ATP1A3: variants seen among roughly 807,000 people sequenced by gnomAD.
ATP1A3 encodes the protein sodium/potassium-transporting ATPase subunit alpha-3.
A neutral mutation model predicts 108.8 loss-of-function variants in ATP1A3; 12 were observed. The ratio of observed to expected loss-of-function variants is 0.11; its 90% CI spans 0.07 to 0.18. The LOEUF (loss-of-function observed/expected upper bound fraction) is 0.18, where lower values mean the gene tolerates loss of function less well. Ranked by LOEUF, ATP1A3 falls within the 10% of genes least tolerant of loss-of-function variation. The probability of loss-of-function intolerance (pLI) is 1.00; values close to 1 mark genes in which losing one functional copy is unlikely to be tolerated. For missense variants in ATP1A3, 498 were observed against 1,387.7 expected, an observed-to-expected ratio of 0.36 and a Z score of 10.19; for synonymous variants, 539 against 564.5, an observed-to-expected ratio of 0.95 and a Z score of 0.64.
At chr19:41,970,646 TTTTGAGACAGA>T in intron 16 of ATP1A3, 104 bp from the exon 17 acceptor site, 1 of 1,338,148 alleles carries the variant, frequency 7.5e-7, no homozygotes, top group Non-Finnish European at 1.0e-6. Context: ...TTTTTTTTTT[TTTTGAGACAGA>T]GTCTCGCTGT....
In ATP1A3 at chr19:41,985,471, A is replaced by C; in HGVS notation, c.607-48T>G. ...GAGGGTTCAGTCCAGGGCCTGGGAC[A>C]GGAGGGTATTTGTGTACAGGGCTTG... On this transcript the variant is annotated intron_variant, in intron 6 of 22. Coordinates refer to ENST00000648268, the MANE Select transcript of ATP1A3 (RefSeq NM_152296.5). The surrounding 1 kb of genome is among the most constrained non-coding windows in gnomAD (Gnocchi z 8.2). The C allele has an allele frequency of 6.5e-7, 1 of 1,548,390 alleles. No individual in the cohort carries two copies. The highest frequency in any genetic ancestry group is 8.9e-7 in the Non-Finnish European group (1 of 1,120,470).
chr19:41,968,777 G>T lies in ATP1A3; in HGVS notation c.2819+8C>A. 6.2e-7 allele frequency: 1 copy of T among 1,613,838 alleles called. No homozygotes were observed. Among genetic ancestry groups the T allele is most frequent in the Non-Finnish European group, 8.5e-7 (1 of 1,179,784 alleles). On this transcript the variant is annotated splice_region_variant and intron_variant, in intron 20 of 22. Coordinates refer to ENST00000648268, the MANE Select transcript of ATP1A3 (RefSeq NM_152296.5). The surrounding 1 kb of genome is among the most constrained non-coding windows in gnomAD (Gnocchi z 5.0). Reference sequence around the variant, plus strand: ...GCTGTCCAGTCACCATGTGCCCCCGGCCCTCACTTCATGCCCTGCTGGAAG... The same window carrying T: ...GCTGTCCAGTCACCATGTGCCCCCGTCCCTCACTTCATGCCCTGCTGGAAG...
chr19:41,975,320 G>A (rs2075154499), intron 16 of ATP1A3, among the ~76,000 whole-genome samples: 1 of 152,182 alleles, frequency 6.6e-6, no homozygotes, highest in African/African-American at 2.4e-5. Flanking sequence ...CAAAGTGCTG[G>A]GATTACAGGC....
At chr19:41,982,199 C>A (rs1480532292) in intron 8 of ATP1A3, 93 bp from the exon 9 acceptor site, 1 of 1,604,576 alleles carries the variant, frequency 6.2e-7, no homozygotes, top group Non-Finnish European at 8.5e-7. Flanking sequence ...GCTGCCCAGC[C>A]CCCAGAGAAT....
In ATP1A3 at chr19:41,968,926, G is replaced by A. The variant is rs782509039; in HGVS notation, c.2689-11C>T. 1.2e-5 allele frequency: 19 copies of A among 1,613,470 alleles called. No individual in the cohort carries two copies. The East Asian group carries it at 2.5e-4, about 21-fold the overall frequency. On this transcript the variant is annotated splice_polypyrimidine_tract_variant and intron_variant, in intron 19 of 22. Coordinates refer to ENST00000648268, the MANE Select transcript of ATP1A3 (RefSeq NM_152296.5). This position sits in a 1 kb window ranked among gnomAD's most constrained non-coding sequence, Gnocchi z 5.0. ...CCTCTGCTCGTATGTCTGCAGGAGCGGTGACCAGGGCACGGGACGTCAGTT... is the reference window on the plus strand; with the variant it reads ...CCTCTGCTCGTATGTCTGCAGGAGCAGTGACCAGGGCACGGGACGTCAGTT...
chr19:41,980,297 CAT>C (rs1279221586), intron 11 of ATP1A3, among the ~76,000 whole-genome samples: 4 of 152,224 alleles, frequency 2.6e-5, no homozygotes, highest in South Asian at 2.1e-4. Flanking sequence ...CAGGGCCTAA[CAT>C]GTGGTGGCTG....
chr19:41,980,516 A>G (rs896783575), intron 11 of ATP1A3, among the ~76,000 whole-genome samples: 1 of 152,170 alleles, frequency 6.6e-6, no homozygotes. Flanking sequence ...CGGGAGGCTG[A>G]GATATGAGAA....
At position 41,970,039 on chromosome 19, in the gene ATP1A3, AC is replaced by A. The variant is rs200489770; in HGVS notation, c.2542+145del. The A allele has an allele frequency of 1.2e-3, 1,616 of 1,314,248 alleles. 3 individuals are homozygous for A. The highest frequency in any genetic ancestry group is 1.5e-3 in the Non-Finnish European group (1,371 of 935,870). The allele number at this position is 1,314,248 out of a possible 1,614,324, so 81.4% of individuals were successfully genotyped here. On this transcript the variant is annotated intron_variant, in intron 18 of 22. Transcript: ENST00000648268. ...GGAGGTGGAGAAGGATGGGGTGCAGACCCCCCCCACAGATAGCTCACTGGTT... is the reference window on the plus strand; with the variant it reads ...GGAGGTGGAGAAGGATGGGGTGCAGACCCCCCCACAGATAGCTCACTGGTT...
chr19:41,992,255 G>T (rs2075347511), intron 1 of ATP1A3, among the ~76,000 whole-genome samples: 2 of 152,188 alleles, frequency 1.3e-5, no homozygotes, highest in African/African-American at 4.8e-5. Flanking sequence ...CCTTGACACA[G>T]CCAGACCCCC....
rs2075061333 is a variant in ATP1A3 at position 41,967,901 on chromosome 19, G to C, written c.2820-138C>G. On this transcript the variant is annotated intron_variant, in intron 20 of 22. Coordinates refer to ENST00000648268, the MANE Select transcript of ATP1A3 (RefSeq NM_152296.5). This position sits in a 1 kb window ranked among gnomAD's most constrained non-coding sequence, Gnocchi z 4.2. ...CAGAGACAGAGAGGCAGAGACATAG[G>C]GAGAGACAGAGATGGGGAGACATGC... is the stretch of plus-strand genomic sequence containing the variant. 2 of 762,482 alleles carry C rather than the reference G, an allele frequency of 2.6e-6. No homozygotes were observed. Among genetic ancestry groups the C allele is most frequent in the East Asian group, 5.4e-5 (2 of 37,234 alleles). The allele number at this position is 762,482 out of a possible 1,614,324, so 47.2% of individuals were successfully genotyped here.
chr19:41,981,890 C>G lies in ATP1A3; in HGVS notation c.1192+18G>C. On this transcript the variant is annotated intron_variant, in intron 9 of 22. Coordinates refer to ENST00000648268, the MANE Select transcript of ATP1A3 (RefSeq NM_152296.5). The surrounding 1 kb of genome is among the most constrained non-coding windows in gnomAD (Gnocchi z 5.0). ...TGGAGCCAGGCCCCCATGGTCCTCA[C>G]CCGGGGCCTGCGCTCACCTGACTGG... 1.9e-6 allele frequency: 3 copies of G among 1,614,224 alleles called. No homozygotes were observed. Among genetic ancestry groups the G allele is most frequent in the Non-Finnish European group, 2.5e-6 (3 of 1,180,036 alleles).
chr19:41,981,817 T>C lies in ATP1A3; in HGVS notation c.1207A>G (p.Lys403Glu). 1 of 1,614,182 alleles carries C rather than the reference T, an allele frequency of 6.2e-7. No homozygotes were observed. Among genetic ancestry groups the C allele is most frequent in the Non-Finnish European group, 8.5e-7 (1 of 1,180,024 alleles). The change falls in exon 10 of 23, where the codon AAG (lysine) becomes GAG (glutamate). Residue 403 changes from lysine to glutamate, a missense_variant. Transcript: ENST00000648268. This position sits in a 1 kb window ranked among gnomAD's most constrained non-coding sequence, Gnocchi z 5.0. Reference sequence around the variant, plus strand: ...AGGGCCACCCAGGTGTGCGAACTCTTGTCAAATGAGGTCCCTGGGGGAGGC... The same window carrying C: ...AGGGCCACCCAGGTGTGCGAACTCTCGTCAAATGAGGTCCCTGGGGGAGGC... ...TEDQSGTSFD[K>E]SSHTWVALSH...
chr19:41,972,172 C>G (rs1409989616), intron 16 of ATP1A3, among the ~76,000 whole-genome samples: 2 of 152,020 alleles, frequency 1.3e-5, no homozygotes, highest in African/African-American at 4.8e-5. Flanking sequence ...ATCATTTGAA[C>G]CTCAGAGGCA....
rs782430886 is a variant in ATP1A3, at chr19:41,969,424, G to A, written c.2688+11C>T. On this transcript the variant is annotated intron_variant, in intron 19 of 22. Transcript: ENST00000648268. ...ACGGTGGGCAGAGACACAGCACCCTGCCCTACTCACCCACTGCTGCCCGTA... is the reference window on the plus strand; with the variant it reads ...ACGGTGGGCAGAGACACAGCACCCTACCCTACTCACCCACTGCTGCCCGTA... 1.9e-6 allele frequency: 3 copies of A among 1,614,158 alleles called. No individual in the cohort carries two copies. Among genetic ancestry groups the A allele is most frequent in the Non-Finnish European group, 2.5e-6 (3 of 1,180,014 alleles).
rs1038138461 is a variant in ATP1A3 at position 41,981,450 on chromosome 19, C to T, written c.1437+52G>A. 21 of 1,612,422 alleles carry T rather than the reference C, an allele frequency of 1.3e-5. No homozygotes were observed. In the African/African-American group the frequency reaches 1.9e-4, roughly 14 times the overall value. On this transcript the variant is annotated intron_variant, in intron 11 of 22. Coordinates refer to ENST00000648268, the MANE Select transcript of ATP1A3 (RefSeq NM_152296.5). The surrounding 1 kb of genome is among the most constrained non-coding windows in gnomAD (Gnocchi z 5.0). ...AGGCTCTATGACACCTCTTTACAGGCGTCATAAGGAACCTGAGGTCCAGGC... is the reference window on the plus strand; with the variant it reads ...AGGCTCTATGACACCTCTTTACAGGTGTCATAAGGAACCTGAGGTCCAGGC...
intron 18 of ATP1A3, 74 bp from the exon 19 acceptor site, chr19:41,969,654 G>A (rs1417123931): frequency 1.5e-5 from 24 of 1,582,600 alleles, no homozygotes; most frequent in Non-Finnish European, 1.9e-5. Context: ...ACCTCAGAGG[G>A]CCCGGAGGCC....
At chr19:41,975,539 C>T in intron 16 of ATP1A3, 90 bp downstream of exon 16, 1 of 1,559,372 alleles carries the variant, frequency 6.4e-7, no homozygotes, top group African/African-American at 1.4e-5. Flanking sequence ...CTCTGCCACA[C>T]ATCCCCCTGC....
At chr19:41,993,896 G>C (rs1398205101) in intron 1 of ATP1A3, 175 bp downstream of exon 1, 1 of 1,222,162 alleles carries the variant, frequency 8.2e-7, no homozygotes, top group South Asian at 1.5e-5. Flanking sequence ...CAGACCCCCC[G>C]CCGCCCCCTG....
chr19:41,973,852 G>A (rs2075138525), intron 16 of ATP1A3, among the ~76,000 whole-genome samples: 1 of 152,130 alleles, frequency 6.6e-6, no homozygotes, highest in Non-Finnish European at 1.5e-5. Flanking sequence ...ATGCATAGAT[G>A]TCTTGGGGAG....
Sources: gnomAD v4.1 joint callset for allele counts (sites outside exome capture counted in the v4.1 genomes callset) on GRCh38, gnomAD v4.1.1 for gene constraint, Gnocchi (gnomAD v3.1) non-coding constraint, MANE v1.5 for transcripts, NCBI Gene and HGNC (gene_info 2026-07-23, HGNC 2026-07-21) for gene names.